The following KCND2 variants were observed in gnomAD, a reference collection of about 807,000 sequenced individuals.
The protein encoded by KCND2 is potassium voltage-gated channel subfamily D member 2.
KCND2 carries 16 observed loss-of-function variants against 54.4 expected under a neutral mutation model. The observed-to-expected ratio is 0.29, with a 90% CI of 0.20 to 0.45. The LOEUF is 0.45. Among genes scored for constraint, KCND2 ranks in the 20% least tolerant of loss-of-function variants. The pLI is 1.00. For missense variants in KCND2, 486 were observed against 824.2 expected (o/e 0.59, Z 5.02); for synonymous variants, 317 against 310.7 (o/e 1.02, Z -0.21).
chr7:120,716,323 G>GAA (rs145253162), intron 1 of KCND2, among the ~76,000 whole-genome samples: 1 of 151,680 alleles, frequency 6.6e-6, no homozygotes, highest in Non-Finnish European at 1.5e-5. Context: ...TTTAATTTAA[G>GAA]AAAAAAAATG....
rs541454833 is a variant in KCND2, at chr7:120,634,407, A to G, written c.1116-98496A>G. On this transcript the variant is annotated intron_variant, in intron 1 of 5. Transcript: ENST00000331113. ...ATCCCTACTTGAATGTCTCAAACAT[A>G]TTTTATGCTAAATACAACCACCACT... Among the ~76,000 whole-genome samples the G allele has an allele frequency of 7.9e-5, 12 of 152,240 alleles. 1 individual carries two copies. The South Asian group carries it at 1.9e-3, about 24-fold the overall frequency.
At chr7:120,349,985 T>C (rs1454818289) in intron 1 of KCND2, among the ~76,000 whole-genome samples, 2 of 152,078 alleles carry the variant, frequency 1.3e-5, no homozygotes, top group African/African-American at 4.8e-5. Flanking sequence ...GTATATATAC[T>C]ATATAATAAA....
intron 1 of KCND2, among the ~76,000 whole-genome samples, chr7:120,676,371 A>C (rs77720178): frequency 0.13 from 20,106 of 152,020 alleles, 1,808 homozygotes; most frequent in East Asian, 0.42. Flanking sequence ...TACCATGTTT[A>C]GTTGCAGTTT....
chr7:120,429,578 G>A (rs767192650), intron 1 of KCND2, among the ~76,000 whole-genome samples: 12 of 152,110 alleles, frequency 7.9e-5, no homozygotes, highest in Non-Finnish European at 1.2e-4. Context: ...TTATTGTCTC[G>A]GTTGTGAGTT....
chr7:120,602,227 A>G (rs1230155218), intron 1 of KCND2, among the ~76,000 whole-genome samples: 1 of 152,224 alleles, frequency 6.6e-6, no homozygotes, highest in Non-Finnish European at 1.5e-5. Context: ...ATGAGTATTA[A>G]ATGGGTTATT....
At chr7:120,380,211 A>C (rs1800896728) in intron 1 of KCND2, among the ~76,000 whole-genome samples, 1 of 152,056 alleles carries the variant, frequency 6.6e-6, no homozygotes, top group African/African-American at 2.4e-5. Context: ...ATATTATAAA[A>C]CCTTGCCAGA....
intron 1 of KCND2, among the ~76,000 whole-genome samples, chr7:120,697,392 A>G (rs1449776733): frequency 1.3e-5 from 2 of 152,074 alleles, no homozygotes; most frequent in Non-Finnish European, 2.9e-5. Flanking sequence ...TTTTTTTATT[A>G]TAATTATTTG....
chr7:120,470,270 A>C (rs1584792245), intron 1 of KCND2, among the ~76,000 whole-genome samples: 1 of 152,236 alleles, frequency 6.6e-6, no homozygotes, highest in East Asian at 1.9e-4. Context: ...AAAGAGAGAA[A>C]ATTTAGTTCT....
At chr7:120,504,471 A>G (rs1258715759) in intron 1 of KCND2, among the ~76,000 whole-genome samples, 1 of 151,930 alleles carries the variant, frequency 6.6e-6, no homozygotes, top group Non-Finnish European at 1.5e-5. Context: ...TATTGTAAAT[A>G]CCTAAATTTA....
At chr7:120,479,035 G>A (rs1353772870) in intron 1 of KCND2, among the ~76,000 whole-genome samples, 1 of 152,102 alleles carries the variant, frequency 6.6e-6, no homozygotes, top group Non-Finnish European at 1.5e-5. Context: ...CACCTTTGCT[G>A]TAGGGAACAA....
chr7:120,504,386 A>C (rs1046878101), intron 1 of KCND2, among the ~76,000 whole-genome samples: 1 of 151,948 alleles, frequency 6.6e-6, no homozygotes, highest in Non-Finnish European at 1.5e-5. Context: ...ATTTTACATA[A>C]ACCTTAAAAT....
chr7:120,386,678 T>C (rs1438424683), intron 1 of KCND2, among the ~76,000 whole-genome samples: 1 of 152,132 alleles, frequency 6.6e-6, no homozygotes, highest in Non-Finnish European at 1.5e-5. Flanking sequence ...ATTCATCACA[T>C]ATGTATTCTA....
chr7:120,341,461 G>A (rs922696198), intron 1 of KCND2, among the ~76,000 whole-genome samples: 1 of 152,096 alleles, frequency 6.6e-6, no homozygotes, highest in Non-Finnish European at 1.5e-5. Flanking sequence ...ATGTTAAGGG[G>A]CCTTGAAAAA....
chr7:120,729,266 G>A (rs759783364), intron 1 of KCND2, among the ~76,000 whole-genome samples: 2 of 152,186 alleles, frequency 1.3e-5, no homozygotes, highest in Non-Finnish European at 2.9e-5. Context: ...GACAAAATGA[G>A]TAATGTAAAA....
intron 1 of KCND2, among the ~76,000 whole-genome samples, chr7:120,617,571 A>G (rs921562807): frequency 3.3e-5 from 5 of 152,194 alleles, no homozygotes; most frequent in African/African-American, 1.2e-4. Flanking sequence ...CACTGTGGAA[A>G]GCAGTTCTCT....
chr7:120,594,731 G>A (rs1336565857), intron 1 of KCND2, among the ~76,000 whole-genome samples: 2 of 152,136 alleles, frequency 1.3e-5, no homozygotes, highest in African/African-American at 2.4e-5. Context: ...CATTCATTAC[G>A]AGACTGGAAG....
intron 1 of KCND2, among the ~76,000 whole-genome samples, chr7:120,289,343 C>A (rs914916675): frequency 7.9e-5 from 12 of 151,930 alleles, no homozygotes; most frequent in Non-Finnish European, 1.3e-4. Flanking sequence ...AAATGGAAAT[C>A]TCATAAAATA....
At chr7:120,573,355 G>A (rs1792389038) in intron 1 of KCND2, among the ~76,000 whole-genome samples, 1 of 152,144 alleles carries the variant, frequency 6.6e-6, no homozygotes. Flanking sequence ...TGTTCCCAAT[G>A]CTCAGGTTGG....
intron 1 of KCND2, among the ~76,000 whole-genome samples, chr7:120,603,541 G>T (rs1170057076): frequency 6.6e-6 from 1 of 152,186 alleles, no homozygotes. Context: ...TGACTGTTTT[G>T]TAATCCAGGG....
Sources: gnomAD v4.1 joint callset for allele counts (sites outside exome capture counted in the v4.1 genomes callset) on GRCh38, gnomAD v4.1.1 for gene constraint, MANE v1.5 for transcripts, NCBI Gene and HGNC (gene_info 2026-07-23, HGNC 2026-07-21) for gene names.